NPEPL1: variants seen among roughly 807,000 people sequenced by gnomAD.
The protein encoded by NPEPL1 is probable aminopeptidase NPEPL1.
Under a neutral mutation model 52.4 loss-of-function variants are expected in NPEPL1, and 45 were observed. The observed-to-expected ratio is 0.86, with a 90% CI of 0.68 to 1.10. The LOEUF (loss-of-function observed/expected upper bound fraction) is 1.10, where lower values mean the gene tolerates loss of function less well. NPEPL1 is among the 50% of genes least tolerant of loss of function. The probability of loss-of-function intolerance (pLI) is 0.00; values close to 1 mark genes in which losing one functional copy is unlikely to be tolerated. For synonymous variants in NPEPL1, 360 were observed against 314.7 expected (o/e 1.14, Z -1.52); for missense variants, 696 against 710.9 (o/e 0.98, Z 0.24).
At chr20:58,695,009 T>A (rs867275440) in intron 3 of NPEPL1, among the ~76,000 whole-genome samples, 5 of 119,390 alleles carry the variant, frequency 4.2e-5, no homozygotes, top group Non-Finnish European at 8.7e-5. Context: ...TGTGTGCATG[T>A]GTGATGTGTG....
At chr20:58,694,870 C>A (rs1000745974) in intron 3 of NPEPL1, among the ~76,000 whole-genome samples, 1 of 152,208 alleles carries the variant, frequency 6.6e-6, no homozygotes, top group Non-Finnish European at 1.5e-5. Flanking sequence ...TTCCAAATAA[C>A]CCTGCCCGTT....
At chr20:58,691,140 CCAGCTGTCT>C, upstream of NPEPL1, 1 of 703,214 alleles carries the variant, frequency 1.4e-6, no homozygotes, top group East Asian at 2.7e-5. Context: ...GGAAGATCCT[CCAGCTGTCT>C]CAGTCCTCTG....
At chr20:58,708,379 G>A (rs959237745) in intron 7 of NPEPL1, among the ~76,000 whole-genome samples, 1 of 152,192 alleles carries the variant, frequency 6.6e-6, no homozygotes, top group Non-Finnish European at 1.5e-5. Context: ...ACGGAGGTGC[G>A]GGGCTGAGGC....
intron 6 of NPEPL1, chr20:58,703,373 T>C (rs1276097510): frequency 1.5e-6 from 1 of 683,202 alleles, no homozygotes; most frequent in African/African-American, 2.0e-5. Context: ...ACGGTGGTAA[T>C]AAGCAAACTG....
At chr20:58,691,482 T>C, upstream of NPEPL1, 1 of 670,048 alleles carries the variant, frequency 1.5e-6, no homozygotes, top group Non-Finnish European at 2.7e-6. Flanking sequence ...ATGCTGAAGC[T>C]CTAGTCTGTG....
At chr20:58,691,364 C>CGTTTTTTTT, upstream of NPEPL1, 1 of 163,678 alleles carries the variant, frequency 6.1e-6, no homozygotes, top group Non-Finnish European at 1.0e-5. Flanking sequence ...CATTCAACAG[C>CGTTTTTTTT]TTTTTTTTTT....
In NPEPL1 at chr20:58,693,860, G is replaced by A. The variant is rs749811844; in HGVS notation, c.274G>A (p.Ala92Thr). ...RVSRHNSPSA[A>T]HFITRLVRTC... ...GAGCCGGCACAACAGCCCCTCGGCC[G>A]CCCACTTCATCACGCGGCTGGTGCG... The change falls in exon 2 of 12, where the codon GCC becomes ACC. Residue 92 changes from alanine (A) to threonine (T), a missense_variant. Ala to Thr is a moderately conservative substitution (Grantham distance 58). Transcript: ENST00000356091. The A allele has an allele frequency of 1.2e-4, 197 of 1,613,348 alleles. No homozygotes were observed. The highest frequency in any genetic ancestry group is 1.6e-4 in the Non-Finnish European group (184 of 1,179,718).
intron 6 of NPEPL1, 36 bp downstream of exon 6, chr20:58,701,194 GA>G: frequency 6.9e-7 from 1 of 1,446,042 alleles, no homozygotes; most frequent in Non-Finnish European, 9.2e-7. Flanking sequence ...TGCCCTGGGG[GA>G]GGGGAGGGGA....
intron 7 of NPEPL1, among the ~76,000 whole-genome samples, chr20:58,709,055 A>T (rs1208828799): frequency 6.6e-6 from 1 of 151,630 alleles, no homozygotes; most frequent in African/African-American, 2.4e-5. Context: ...TTGACAAATG[A>T]TCACAGATTC....
intron 3 of NPEPL1, among the ~76,000 whole-genome samples, chr20:58,697,226 G>T (rs2084511739): frequency 6.6e-6 from 1 of 152,252 alleles, no homozygotes; most frequent in Non-Finnish European, 1.5e-5. Context: ...CAGCATGGCT[G>T]TGTGTTGGTG....
In NPEPL1 at chr20:58,713,610, A is replaced by G; in HGVS notation, c.1125+67A>G. ...GAACCCCACCCCACTCTTGACCTCA[A>G]GGTGGGGAAGGCAGCGCGTGGGGGC... is the stretch of plus-strand genomic sequence containing the variant. On this transcript the variant is annotated intron_variant, in intron 9 of 11. Coordinates refer to ENST00000356091, the MANE Select transcript of NPEPL1 (RefSeq NM_024663.4). The surrounding 1 kb of genome is among the most constrained non-coding windows in gnomAD (Gnocchi z 4.6). 6.7e-7 allele frequency: 1 copy of G among 1,487,752 alleles called. No homozygotes were observed. Among genetic ancestry groups the G allele is most frequent in the Non-Finnish European group, 9.0e-7 (1 of 1,114,620 alleles). The allele number at this position is 1,487,752 out of a possible 1,614,324, so 92.2% of individuals were successfully genotyped here.
At chr20:58,698,599 C>G (rs2084540827) in intron 3 of NPEPL1, 85 bp from the exon 4 acceptor site, 1 of 1,096,808 alleles carries the variant, frequency 9.1e-7, no homozygotes, top group South Asian at 1.3e-5. Flanking sequence ...ATGTTTGCCT[C>G]TGCTGCCTTT....
In NPEPL1 at chr20:58,715,252, T is replaced by C; in HGVS notation, c.1498T>C (p.Ser500Pro). Reference sequence around the variant, plus strand: ...TGAGGACCCTCTGCTGAACCTGGTGTCCCCACTGGGCTGTGAGGTGGATGT... The same window carrying C: ...TGAGGACCCTCTGCTGAACCTGGTGCCCCCACTGGGCTGTGAGGTGGATGT... ...ASEDPLLNLVSPLGCEVDVEE... is the reference protein window; with the variant it reads ...ASEDPLLNLVPPLGCEVDVEE... The change falls in exon 12 of 12, where the codon TCC becomes CCC. Residue 500 changes from serine (S) to proline (P), a missense_variant. Coordinates refer to ENST00000356091, the MANE Select transcript of NPEPL1 (RefSeq NM_024663.4). The C allele has an allele frequency of 6.2e-7, 1 of 1,610,692 alleles. No homozygotes were observed. The highest frequency in any genetic ancestry group is 8.5e-7 in the Non-Finnish European group (1 of 1,179,284).
intron 7 of NPEPL1, among the ~76,000 whole-genome samples, chr20:58,708,590 G>A (rs1032105416): frequency 1.3e-5 from 2 of 152,014 alleles, no homozygotes; most frequent in Non-Finnish European, 2.9e-5. Context: ...GGAGGAGCAT[G>A]TGTCCTCTGT....
intron 6 of NPEPL1, chr20:58,705,457 G>A: frequency 2.2e-6 from 1 of 456,214 alleles, no homozygotes; most frequent in Non-Finnish European, 4.4e-6. Context: ...GCTTCAGCAA[G>A]GAAATTCTAA....
Position 58,712,668 on chromosome 20 carries a change from G to C in NPEPL1, c.1001+89G>C, listed in dbSNP as rs188994981. ...AATGCCAGCTCACTCCAGGCATATC[G>C]GGAGGGCACTCAGCGTTGGGGTCCC... is the stretch of plus-strand genomic sequence containing the variant. On this transcript the variant is annotated intron_variant, in intron 8 of 11. Transcript: ENST00000356091. The C allele has an allele frequency of 6.3e-6, 6 of 958,052 alleles. No homozygotes were observed. In the African/African-American group the frequency reaches 8.0e-5, roughly 13 times the overall value. The allele number at this position is 958,052 out of a possible 1,614,324, so 59.3% of individuals were successfully genotyped here. A position where few individuals can be genotyped will look rare whatever the true frequency, so the allele number is the denominator to read the frequency against.
At chr20:58,690,934 T>C, upstream of NPEPL1, 1 of 544,426 alleles carries the variant, frequency 1.8e-6, no homozygotes, top group Non-Finnish European at 3.3e-6. Context: ...GGCTCCCCAG[T>C]CGATCTCCTC....
chr20:58,701,378 G>C (rs567961361), intron 6 of NPEPL1, among the ~76,000 whole-genome samples: 22 of 146,890 alleles, frequency 1.5e-4, no homozygotes, highest in Middle Eastern at 3.5e-3. Flanking sequence ...GCCCTGGGGG[G>C]GGGGGAGGGG....
chr20:58,715,230 G>C lies in NPEPL1; in HGVS notation c.1476G>C (p.Glu492Asp). 6.2e-7 allele frequency: 1 copy of C among 1,609,636 alleles called. No individual in the cohort carries two copies. Among genetic ancestry groups the C allele is most frequent in the Non-Finnish European group, 8.5e-7 (1 of 1,179,054 alleles). The change falls in exon 12 of 12, where the codon GAG becomes GAC. Residue 492 changes from glutamate to aspartate, a missense_variant. Coordinates refer to ENST00000356091, the MANE Select transcript of NPEPL1 (RefSeq NM_024663.4). ...LLLALFGRAS[E>D]DPLLNLVSPL... The stretch of plus-strand genomic sequence containing the variant: ...TGGCGCTCTTCGGCCGTGCCTCTGA[G>C]GACCCTCTGCTGAACCTGGTGTCCC...
Sources: allele counts gnomAD v4.1 joint callset (sites outside exome capture counted in the v4.1 genomes callset), GRCh38; gene constraint gnomAD v4.1.1; non-coding constraint Gnocchi (gnomAD v3.1); transcripts MANE v1.5; gene names NCBI Gene and HGNC (gene_info 2026-07-23, HGNC 2026-07-21).